PHEX: variants seen among roughly 807,000 people sequenced by gnomAD.
PHEX encodes the protein phosphate regulating endopeptidase X-linked.
A neutral mutation model predicts 68.0 loss-of-function variants in PHEX; 16 were observed. The ratio of observed to expected loss-of-function variants is 0.24; its 90% CI spans 0.16 to 0.36. The LOEUF (loss-of-function observed/expected upper bound fraction) is 0.36, where lower values mean the gene tolerates loss of function less well. Among genes scored for constraint, PHEX ranks in the 10% least tolerant of loss-of-function variants. The pLI, the probability that PHEX is intolerant of heterozygous loss-of-function variation, is 1.00. For missense variants in PHEX, 480 were observed against 575.5 expected (o/e 0.83, Z 1.70); for synonymous variants, 208 against 205.1 (o/e 1.01, Z -0.12).
intron 10 of PHEX, among the ~76,000 whole-genome samples, chrX:22,113,798 A>G (rs1201874780): frequency 6.3e-5 from 7 of 110,769 alleles, no homozygotes; most frequent in Non-Finnish European, 7.5e-5. Flanking sequence ...AATATTATCT[A>G]GACACTTGGA....
intron 3 of PHEX, among the ~76,000 whole-genome samples, chrX:22,050,687 T>C (rs1183090116): frequency 4.5e-5 from 5 of 111,123 alleles, no homozygotes; most frequent in Admixed American, 3.9e-4. Context: ...CCTGAAAACG[T>C]ACACTTTTTT....
chrX:22,181,018 G>T lies in PHEX; in HGVS notation c.1586+2642G>T, dbSNP rs72620287. Among the ~76,000 whole-genome samples, 1,369 of 111,840 alleles carry T rather than the reference G, an allele frequency of 0.012. 67 individuals carry two copies. In the East Asian group the frequency reaches 0.24, roughly 19 times the overall value. On this transcript the variant is annotated intron_variant, in intron 14 of 21. Coordinates refer to ENST00000379374, the MANE Select transcript of PHEX (RefSeq NM_000444.6). ...CATTTGTCTGTTGATGAACACATAG[G>T]TTGCTTCCAAATCTTGGCTATTGTG...
chrX:22,221,519 C>A, intron 17 of PHEX, 94 bp from the exon 18 acceptor site: 1 of 765,579 alleles, frequency 1.3e-6, no homozygotes, highest in Non-Finnish European at 2.0e-6. Flanking sequence ...GCTGTTATGA[C>A]TGCTTTTTGA....
chrX:22,245,015 A>C (rs373389952), intron 20 of PHEX, among the ~76,000 whole-genome samples: 1 of 111,845 alleles, frequency 8.9e-6, no homozygotes, highest in Non-Finnish European at 1.9e-5. Flanking sequence ...GAGAAGGACT[A>C]TTTCAAACAT....
At chrX:22,057,297 A>T (rs1212918845) in intron 3 of PHEX, among the ~76,000 whole-genome samples, 1 of 112,042 alleles carries the variant, frequency 8.9e-6, no homozygotes, top group African/African-American at 3.2e-5. Flanking sequence ...AGCTCAGAGA[A>T]CACCTTTATT....
At chrX:22,181,639 G>C (rs910959715) in intron 14 of PHEX, among the ~76,000 whole-genome samples, 2 of 111,521 alleles carry the variant, frequency 1.8e-5, no homozygotes, top group Admixed American at 1.9e-4. Flanking sequence ...TTTTGATGGG[G>C]ATTACAGTGA....
chrX:22,227,852 G>T (rs1298455603), intron 20 of PHEX, among the ~76,000 whole-genome samples: 2 of 107,956 alleles, frequency 1.9e-5, no homozygotes, highest in Admixed American at 9.6e-5. Flanking sequence ...CAGCCCTGTG[G>T]TAATTCATTT....
intron 2 of PHEX, 90 bp from the exon 3 acceptor site, chrX:22,046,960 G>A (rs931841780): frequency 1.3e-6 from 1 of 769,560 alleles, no homozygotes; most frequent in African/African-American, 2.1e-5. Context: ...CTTGGAAACT[G>A]GTTGATATGG....
intron 20 of PHEX, among the ~76,000 whole-genome samples, chrX:22,233,275 C>G (rs1338037905): frequency 1.8e-5 from 2 of 110,833 alleles, no homozygotes; most frequent in Non-Finnish European, 3.8e-5. Flanking sequence ...GTGAATCTGA[C>G]GATTATGTGT....
chrX:22,224,947 A>AATTATCATCCAGCGCTGTATGATTT (rs1935398907), intron 18 of PHEX, among the ~76,000 whole-genome samples: 2 of 23,252 alleles, frequency 8.6e-5, no homozygotes, highest in Admixed American at 4.8e-4. Flanking sequence ...AAATAACATA[A>AATTATCATCCAGCGCTGTATGATTT]ATTATCATAC....
In PHEX at chrX:22,032,821, T is replaced by C; in HGVS notation, c.-185T>C. Reference sequence around the variant, plus strand: ...AAGGCAACCAATATTTTGGTTTTTATAATTTTCATTTGTGAAGAATTATTT... The same window carrying C: ...AAGGCAACCAATATTTTGGTTTTTACAATTTTCATTTGTGAAGAATTATTT... On this transcript the variant is annotated 5_prime_UTR_variant, in exon 1 of 22. Transcript: ENST00000379374. The C allele has an allele frequency of 2.1e-6, 1 of 471,989 alleles. No individual in the cohort carries two copies. The allele number at this position is 471,989 out of a possible 1,213,427, so 38.9% of individuals were successfully genotyped here.
intron 15 of PHEX, among the ~76,000 whole-genome samples, chrX:22,211,857 G>C (rs1934935581): frequency 8.9e-6 from 1 of 111,916 alleles, no homozygotes; most frequent in Non-Finnish European, 1.9e-5. Context: ...GCAGGCAAGA[G>C]AGCTTGTACA....
At chrX:22,185,527 A>G (rs903027629) in intron 14 of PHEX, among the ~76,000 whole-genome samples, 3 of 111,680 alleles carry the variant, frequency 2.7e-5, no homozygotes, top group Middle Eastern at 4.2e-3. Context: ...AGGAATTCCA[A>G]TTCAATAGTT....
intron 14 of PHEX, among the ~76,000 whole-genome samples, chrX:22,178,852 AT>A (rs1464473745): frequency 8.9e-6 from 1 of 111,918 alleles, no homozygotes; most frequent in Non-Finnish European, 1.9e-5. Flanking sequence ...AGCAGTTATG[AT>A]TTATTTGCCT....
intron 12 of PHEX, among the ~76,000 whole-genome samples, chrX:22,140,604 C>T (rs1932415540): frequency 9.0e-6 from 1 of 110,746 alleles, no homozygotes; most frequent in Admixed American, 9.6e-5. Flanking sequence ...GTCTCAGCCT[C>T]CCGAGTAGCT....
chrX:22,078,995 A>G (rs776002444), intron 5 of PHEX, among the ~76,000 whole-genome samples: 5 of 111,880 alleles, frequency 4.5e-5, no homozygotes, highest in Admixed American at 9.5e-5. Context: ...TGACGACCCA[A>G]CTGATCTCTG....
At chrX:22,243,158 C>G (rs1046881368) in intron 20 of PHEX, among the ~76,000 whole-genome samples, 2 of 111,675 alleles carry the variant, frequency 1.8e-5, no homozygotes, top group Non-Finnish European at 1.9e-5. Flanking sequence ...TTTGACAAAC[C>G]TGACAAAAAC....
At chrX:22,175,486 G>A (rs1333925604) in intron 13 of PHEX, among the ~76,000 whole-genome samples, 1 of 111,304 alleles carries the variant, frequency 9.0e-6, no homozygotes, top group Non-Finnish European at 1.9e-5. Flanking sequence ...GAGTAGCTGG[G>A]ATTACAGGCA....
intron 10 of PHEX, among the ~76,000 whole-genome samples, chrX:22,112,636 G>C (rs1301210689): frequency 9.0e-6 from 1 of 111,551 alleles, no homozygotes; most frequent in Non-Finnish European, 1.9e-5. Context: ...GCTGGGTGCA[G>C]TGGCTCACAC....
Sources: allele counts gnomAD v4.1 joint callset (sites outside exome capture counted in the v4.1 genomes callset), GRCh38; gene constraint gnomAD v4.1.1; transcripts MANE v1.5; gene names NCBI Gene and HGNC (gene_info 2026-07-23, HGNC 2026-07-21).